The following EXOSC2 variants were observed in gnomAD, a reference collection of about 807,000 sequenced individuals.
EXOSC2 encodes exosome component 2.
Under a neutral mutation model 37.6 loss-of-function variants are expected in EXOSC2, and 29 were observed. The observed-to-expected ratio is 0.77, with a 90% CI of 0.57 to 1.05. EXOSC2 has a LOEUF of 1.05. Ranked by LOEUF, EXOSC2 falls within the 50% of genes least tolerant of loss-of-function variation. The pLI is 0.00. For missense variants in EXOSC2, 346 were observed against 365.6 expected (o/e 0.95, Z 0.44); for synonymous variants, 119 against 131.1 (o/e 0.91, Z 0.63).
intron 4 of EXOSC2, among the ~76,000 whole-genome samples, chr9:130,699,111 G>A (rs1831156670): frequency 6.6e-6 from 1 of 152,162 alleles, no homozygotes; most frequent in Non-Finnish European, 1.5e-5. Flanking sequence ...GAGAAGGGAG[G>A]GAAAGAGGAA....
chr9:130,697,543 G>A (rs777952196), intron 2 of EXOSC2, 39 bp from the exon 3 acceptor site: 13 of 1,605,774 alleles, frequency 8.1e-6, no homozygotes, highest in Non-Finnish European at 1.0e-5. Context: ...CAGAAAGTCT[G>A]CTCACAGATG....
chr9:130,700,369 A>ATTTT (rs200890735), intron 5 of EXOSC2, among the ~76,000 whole-genome samples: 5 of 128,348 alleles, frequency 3.9e-5, no homozygotes, highest in South Asian at 2.4e-4. Flanking sequence ...TTATTTATTT[A>ATTTT]TTTTTTTGAG....
rs1040332860 is a variant in EXOSC2 at position 130,701,802 on chromosome 9, T to C, written c.496-332T>C. On this transcript the variant is annotated intron_variant, in intron 6 of 8. Transcript: ENST00000372358. ...GGGTCATGGAACAACGCAGTGCTCC[T>C]GGGCCAGCAGGAGGCTCCAGCTCAC... The C allele has an allele frequency of 2.8e-6, 3 of 1,076,860 alleles. No homozygotes were observed. In the African/African-American group the frequency reaches 5.0e-5, roughly 18 times the overall value. The allele number at this position is 1,076,860 out of a possible 1,614,324, so 66.7% of individuals were successfully genotyped here. A position where few individuals can be genotyped will look rare whatever the true frequency, so the allele number is the denominator to read the frequency against.
Position 130,698,238 on chromosome 9 carries a change from C to T in EXOSC2, c.347C>T (p.Pro116Leu), listed in dbSNP as rs1831138960. The T allele has an allele frequency of 6.2e-7, 1 of 1,613,934 alleles. No individual in the cohort carries two copies. The highest frequency in any genetic ancestry group is 8.5e-7 in the Non-Finnish European group (1 of 1,180,002). The change falls in exon 4 of 9, where the codon CCT becomes CTT. Residue 116 changes from proline to leucine, a missense_variant. Coordinates refer to ENST00000372358, the MANE Select transcript of EXOSC2 (RefSeq NM_014285.7). The surrounding 1 kb of genome is among the most constrained non-coding windows in gnomAD (Gnocchi z 4.1). ...TTGCTGCTCTCGTCCATGAACCTTC[C>T]TGGAGGAGAGCTGGTAAGGGCTACA... is the stretch of plus-strand genomic sequence containing the variant. ...SVLLLSSMNL[P>L]GGELRRRSAE...
intron 4 of EXOSC2, among the ~76,000 whole-genome samples, chr9:130,699,117 A>G (rs1238252056): frequency 6.6e-6 from 1 of 152,158 alleles, no homozygotes; most frequent in Non-Finnish European, 1.5e-5. Flanking sequence ...GGAGGGAAAG[A>G]GGAAGAGGAG....
chr9:130,696,338 C>T (rs537119519), intron 2 of EXOSC2, among the ~76,000 whole-genome samples: 13 of 152,236 alleles, frequency 8.5e-5, no homozygotes, highest in African/African-American at 2.4e-4. Flanking sequence ...GGTGGGCGGG[C>T]GTGGGCCTGC....
In EXOSC2 at chr9:130,699,374, C is replaced by T. The variant is rs1284242111; in HGVS notation, c.406C>T (p.Gln136Ter). 3.1e-6 allele frequency: 5 copies of T among 1,614,188 alleles called. No homozygotes were observed. The highest frequency in any genetic ancestry group is 4.5e-5 in the East Asian group (2 of 44,882). ...EDELAMRGFL[Q>*]EGDLISAEVQ... ...TGAGCTTGCAATGAGAGGTTTCTTACAGGAAGGGGACCTTATCAGTGTATC... is the reference window on the plus strand; with the variant it reads ...TGAGCTTGCAATGAGAGGTTTCTTATAGGAAGGGGACCTTATCAGTGTATC... The change falls in exon 5 of 9, where the codon CAG becomes TAG. Residue 136 changes from glutamine (Q) to a stop codon, truncating the protein, a stop_gained. Transcript: ENST00000372358. LOFTEE classifies it high-confidence loss of function.
rs182960894 is a variant in EXOSC2, at chr9:130,703,992, C to T, written c.*218C>T. 3.7e-5 allele frequency: 15 copies of T among 410,568 alleles called. No individual in the cohort carries two copies. The East Asian group carries it at 4.2e-4, about 11-fold the overall frequency. 25.4% of individuals were successfully genotyped at this position (410,568 alleles called of 1,614,324 possible). A position where few individuals can be genotyped will look rare whatever the true frequency, so the allele number is the denominator to read the frequency against. On this transcript the variant is annotated 3_prime_UTR_variant, in exon 9 of 9. Coordinates refer to ENST00000372358, the MANE Select transcript of EXOSC2 (RefSeq NM_014285.7). ...CTTCCTTGGGTTGCCAGCTGAGTCCCGGTATTAGGGAATAGTTTCAGCTCT... is the reference window on the plus strand; with the variant it reads ...CTTCCTTGGGTTGCCAGCTGAGTCCTGGTATTAGGGAATAGTTTCAGCTCT...
Position 130,697,700 on chromosome 9 carries a change from C to T in EXOSC2, c.270+73C>T. 2.9e-6 allele frequency: 4 copies of T among 1,389,784 alleles called. No individual in the cohort carries two copies. In the South Asian group the frequency reaches 3.5e-5, roughly 12 times the overall value. 86.1% of individuals were successfully genotyped at this position (1,389,784 alleles called of 1,614,324 possible). A position where few individuals can be genotyped will look rare whatever the true frequency, so the allele number is the denominator to read the frequency against. On this transcript the variant is annotated intron_variant, in intron 3 of 8. Transcript: ENST00000372358. ...GATTTCATTCATGGGACAGTCATTCCACTTGTAGTTACATGAAAAAGGCAT... is the reference window on the plus strand; with the variant it reads ...GATTTCATTCATGGGACAGTCATTCTACTTGTAGTTACATGAAAAAGGCAT...
At chr9:130,695,209 G>T (rs1274558976) in intron 1 of EXOSC2, among the ~76,000 whole-genome samples, 2 of 152,182 alleles carry the variant, frequency 1.3e-5, no homozygotes, top group Admixed American at 1.3e-4. Context: ...CAGGGTCAAT[G>T]GTATGTGGGG....
chr9:130,699,370 C>G lies in EXOSC2; in HGVS notation c.402C>G (p.Phe134Leu). 6.2e-7 allele frequency: 1 copy of G among 1,614,206 alleles called. No individual in the cohort carries two copies. Among genetic ancestry groups the G allele is most frequent in the Non-Finnish European group, 8.5e-7 (1 of 1,180,042 alleles). ...SAEDELAMRGFLQEGDLISAE... is the reference protein window; with the variant it reads ...SAEDELAMRGLLQEGDLISAE... Reference sequence around the variant, plus strand: ...AAGATGAGCTTGCAATGAGAGGTTTCTTACAGGAAGGGGACCTTATCAGTG... The same window carrying G: ...AAGATGAGCTTGCAATGAGAGGTTTGTTACAGGAAGGGGACCTTATCAGTG... Residue 134 changes from phenylalanine to leucine, a missense_variant, in exon 5 of 9, where the codon TTC becomes TTG. Physicochemically the swap from Phe to Leu is conservative, Grantham distance 22 (BLOSUM62 0). Coordinates refer to ENST00000372358, the MANE Select transcript of EXOSC2 (RefSeq NM_014285.7).
chr9:130,694,724 T>C lies in EXOSC2; in HGVS notation c.123-768T>C, dbSNP rs1325258960. Among the ~76,000 whole-genome samples the C allele has an allele frequency of 6.6e-6, 1 of 152,202 alleles. No homozygotes were observed. Among genetic ancestry groups the C allele is most frequent in the African/African-American group, 2.4e-5 (1 of 41,440 alleles). On this transcript the variant is annotated intron_variant, in intron 1 of 8. Coordinates refer to ENST00000372358, the MANE Select transcript of EXOSC2 (RefSeq NM_014285.7). This position sits in a 1 kb window ranked among gnomAD's most constrained non-coding sequence, Gnocchi z 4.0. ...AGGTTAGTGGATACCAGGAAATTTT[T>C]TTTTCTTTTTTGAGACGGAGTCTGT...
Position 130,694,028 on chromosome 9 carries a change from C to T in EXOSC2, c.122+115C>T. ...ACTCCCCGCGGGACCCAGGGCACTT[C>T]GTCTGAGCATCCTACACACCTCGCT... On this transcript the variant is annotated intron_variant, in intron 1 of 8. Coordinates refer to ENST00000372358, the MANE Select transcript of EXOSC2 (RefSeq NM_014285.7). This position sits in a 1 kb window ranked among gnomAD's most constrained non-coding sequence, Gnocchi z 4.0. 1 of 1,273,782 alleles carries T rather than the reference C, an allele frequency of 7.9e-7. No individual in the cohort carries two copies. Among genetic ancestry groups the T allele is most frequent in the South Asian group, 1.6e-5 (1 of 61,208 alleles). 78.9% of individuals were successfully genotyped at this position (1,273,782 alleles called of 1,614,324 possible).
In EXOSC2 at chr9:130,694,232, C is replaced by T. The variant is rs1004152992; in HGVS notation, c.122+319C>T. Among the ~76,000 whole-genome samples the T allele has an allele frequency of 2.0e-5, 3 of 152,120 alleles. No individual in the cohort carries two copies. The highest frequency in any genetic ancestry group is 7.2e-5 in the African/African-American group (3 of 41,430). On this transcript the variant is annotated intron_variant, in intron 1 of 8. Transcript: ENST00000372358. The surrounding 1 kb of genome is among the most constrained non-coding windows in gnomAD (Gnocchi z 4.0). ...CTGGAAAGCTGGGGAGGGTTAGGTG[C>T]AGGCTCTTTTCCAGTTTTCAGCTCT... is the stretch of plus-strand genomic sequence containing the variant.
chr9:130,694,767 A>T lies in EXOSC2; in HGVS notation c.123-725A>T, dbSNP rs930388607. 3.3e-5 allele frequency among the ~76,000 whole-genome samples: 5 copies of T among 151,826 alleles called. No homozygotes were observed. The highest frequency in any genetic ancestry group is 1.2e-4 in the African/African-American group (5 of 41,286). Reference sequence around the variant, plus strand: ...GAGTCTGTCTTAGATCAGTCGTGCGATCTCGGCTCACTGCAACCTCTGCCT... The same window carrying T: ...GAGTCTGTCTTAGATCAGTCGTGCGTTCTCGGCTCACTGCAACCTCTGCCT... On this transcript the variant is annotated intron_variant, in intron 1 of 8. Transcript: ENST00000372358. This position sits in a 1 kb window ranked among gnomAD's most constrained non-coding sequence, Gnocchi z 4.0.
intron 6 of EXOSC2, chr9:130,701,488 G>T (rs1000064620): frequency 1.7e-6 from 1 of 578,656 alleles, no homozygotes; most frequent in African/African-American, 2.0e-5. Context: ...TAGTCTCTTA[G>T]CTTTATCTGG....
In EXOSC2 at chr9:130,703,188, T is replaced by G. The variant is rs1184984016; in HGVS notation, c.801+7T>G. 10 of 1,605,722 alleles carry G rather than the reference T, an allele frequency of 6.2e-6. No homozygotes were observed. The highest frequency in any genetic ancestry group is 7.7e-6 in the Non-Finnish European group (9 of 1,174,272). On this transcript the variant is annotated splice_region_variant and intron_variant, in intron 8 of 8. Coordinates refer to ENST00000372358, the MANE Select transcript of EXOSC2 (RefSeq NM_014285.7). Reference sequence around the variant, plus strand: ...AGCATCCCTTCCACATCAGGTACTCTCCCCAGGGCCTCTCCCTTCTTCACT... The same window carrying G: ...AGCATCCCTTCCACATCAGGTACTCGCCCCAGGGCCTCTCCCTTCTTCACT...
chr9:130,700,095 G>A (rs914707901), intron 5 of EXOSC2, among the ~76,000 whole-genome samples: 4 of 151,860 alleles, frequency 2.6e-5, no homozygotes, highest in South Asian at 2.1e-4. Flanking sequence ...GCGCGATCTC[G>A]GCTCACTGCA....
intron 8 of EXOSC2, 33 bp downstream of exon 8, chr9:130,703,214 G>T (rs778456280): frequency 6.3e-7 from 1 of 1,590,332 alleles, no homozygotes; most frequent in Non-Finnish European, 8.6e-7. Context: ...CTTCTTCACT[G>T]ATCTGTGAGC....
Sources: gnomAD v4.1 joint callset for allele counts (sites outside exome capture counted in the v4.1 genomes callset) on GRCh38, gnomAD v4.1.1 for gene constraint, Gnocchi (gnomAD v3.1) non-coding constraint, MANE v1.5 for transcripts, NCBI Gene and HGNC (gene_info 2026-07-23, HGNC 2026-07-21) for gene names.